The following CRADD variants were observed in gnomAD, a reference collection of about 807,000 sequenced individuals.
CRADD encodes the protein death domain-containing protein CRADD.
CRADD carries 9 observed loss-of-function variants against 15.5 expected under a neutral mutation model. That is an observed-to-expected ratio of 0.58 (90% CI 0.35 to 1.01). CRADD has a LOEUF of 1.01. Among genes scored for constraint, CRADD ranks in the 50% least tolerant of loss-of-function variants. CRADD has a pLI of 0.02. For synonymous variants in CRADD, 118 were observed against 107.6 expected, an observed-to-expected ratio of 1.10 and a Z score of -0.60; for missense variants, 227 against 250.3, an observed-to-expected ratio of 0.91 and a Z score of 0.63.
At chr12:93,834,582 A>C (rs1243210948) in intron 2 of CRADD, among the ~76,000 whole-genome samples, 3 of 152,220 alleles carry the variant, frequency 2.0e-5, no homozygotes, top group East Asian at 3.9e-4. Flanking sequence ...TCTACCTCCC[A>C]GGTTCAAGTG....
intron 2 of CRADD, among the ~76,000 whole-genome samples, chr12:93,817,196 G>A (rs1325953421): frequency 1.3e-5 from 2 of 152,054 alleles, no homozygotes; most frequent in African/African-American, 2.4e-5. Flanking sequence ...GAGGTCCATC[G>A]GAGACTCAGA....
chr12:93,862,184 C>G (rs1958324510), intron 2 of CRADD, among the ~76,000 whole-genome samples: 1 of 152,182 alleles, frequency 6.6e-6, no homozygotes, highest in Non-Finnish European at 1.5e-5. Context: ...TACAAAGGAA[C>G]AAAGCTAGCC....
At chr12:93,855,414 G>A (rs150097252), downstream of CRADD, among the ~76,000 whole-genome samples, 23 of 152,294 alleles carry the variant, frequency 1.5e-4, 1 homozygote, top group East Asian at 4.4e-3. Context: ...AAGCAGGGAG[G>A]CGAAAAGATT....
intron 2 of CRADD, among the ~76,000 whole-genome samples, chr12:93,879,476 C>G (rs1346548373): frequency 6.6e-6 from 1 of 152,092 alleles, no homozygotes; most frequent in Non-Finnish European, 1.5e-5. Flanking sequence ...CTTTCCTCAC[C>G]AATTGTTTAG....
chr12:93,722,377 G>A (rs1319728430), intron 2 of CRADD, among the ~76,000 whole-genome samples: 4 of 151,800 alleles, frequency 2.6e-5, no homozygotes, highest in Admixed American at 6.6e-5. Flanking sequence ...CTGTGGTTTG[G>A]TGTCTGGCAT....
intron 2 of CRADD, among the ~76,000 whole-genome samples, chr12:93,789,912 A>C (rs1457136972): frequency 6.6e-6 from 1 of 152,130 alleles, no homozygotes; most frequent in Non-Finnish European, 1.5e-5. Context: ...CCCTCCACAG[A>C]TGTCTTGTTG....
chr12:93,706,231 A>G (rs1414066099), intron 2 of CRADD, among the ~76,000 whole-genome samples: 1 of 152,204 alleles, frequency 6.6e-6, no homozygotes, highest in Non-Finnish European at 1.5e-5. Flanking sequence ...AAAGCATTTT[A>G]CCATTTTCAC....
chr12:93,870,911 A>G (rs904285461), intron 2 of CRADD, among the ~76,000 whole-genome samples: 4 of 152,228 alleles, frequency 2.6e-5, no homozygotes, highest in African/African-American at 9.7e-5. Context: ...TGAAATGGAG[A>G]TGATAGTGGA....
At chr12:93,872,692 C>A (rs1958431243) in intron 2 of CRADD, among the ~76,000 whole-genome samples, 1 of 151,940 alleles carries the variant, frequency 6.6e-6, no homozygotes, top group Non-Finnish European at 1.5e-5. Flanking sequence ...TTCTTGGCAC[C>A]TTTGTCAAAA....
At chr12:93,833,675 TA>T (rs1481454598) in intron 2 of CRADD, among the ~76,000 whole-genome samples, 1 of 152,174 alleles carries the variant, frequency 6.6e-6, no homozygotes, top group Admixed American at 6.5e-5. Flanking sequence ...CCATTACACT[TA>T]ATTTTACCTG....
rs1956231666 is a variant in CRADD at position 93,720,064 on chromosome 12, TG to T, written c.298+40993del. 2.0e-5 allele frequency among the ~76,000 whole-genome samples: 3 copies of T among 152,154 alleles called. No individual in the cohort carries two copies. The South Asian group carries it at 6.2e-4, about 31-fold the overall frequency. On this transcript the variant is annotated intron_variant, in intron 2 of 2. Coordinates refer to ENST00000332896, the MANE Select transcript of CRADD (RefSeq NM_003805.5). ...TAGGTCTTTCTTCTTTCCTAATTTT[TG>T]CATCCAAATCCTATGCATTTCCCTT...
intron 2 of CRADD, among the ~76,000 whole-genome samples, chr12:93,823,787 G>A (rs1444251178): frequency 6.6e-6 from 1 of 152,226 alleles, no homozygotes; most frequent in Non-Finnish European, 1.5e-5. Flanking sequence ...GAGGTGGGAA[G>A]TGGAGTGAGT....
At chr12:93,852,394 A>G (rs1453402921), downstream of CRADD, among the ~76,000 whole-genome samples, 1 of 152,238 alleles carries the variant, frequency 6.6e-6, no homozygotes, top group Non-Finnish European at 1.5e-5. Context: ...GGGCTCTGTC[A>G]GCAGTGAGAG....
chr12:93,808,476 C>T (rs1957574349), intron 2 of CRADD, among the ~76,000 whole-genome samples: 1 of 152,128 alleles, frequency 6.6e-6, no homozygotes, highest in African/African-American at 2.4e-5. Flanking sequence ...GGGATTATTA[C>T]AATTCAAGGT....
chr12:93,696,335 G>C (rs1386558169), intron 2 of CRADD, among the ~76,000 whole-genome samples: 1 of 152,300 alleles, frequency 6.6e-6, no homozygotes, highest in South Asian at 2.1e-4. Flanking sequence ...GAATCAACCT[G>C]AGTGTCCATC....
chr12:93,883,637 G>T (rs1378082588), intron 2 of CRADD, among the ~76,000 whole-genome samples: 1 of 152,022 alleles, frequency 6.6e-6, no homozygotes, highest in African/African-American at 2.4e-5. Context: ...GGGCAATATA[G>T]CAAGATCCCA....
intron 2 of CRADD, among the ~76,000 whole-genome samples, chr12:93,791,967 A>T (rs185975438): frequency 6.7e-6 from 1 of 150,262 alleles, no homozygotes; most frequent in African/African-American, 2.5e-5. Flanking sequence ...AGACTGGTTG[A>T]ATTTTTTCAC....
At chr12:93,834,510 C>T (rs913826889) in intron 2 of CRADD, among the ~76,000 whole-genome samples, 24 of 151,994 alleles carry the variant, frequency 1.6e-4, no homozygotes, top group Admixed American at 2.6e-4. Context: ...TTTTTTGAGA[C>T]GGAGTTTCGC....
chr12:93,681,536 T>C (rs1180454111), intron 2 of CRADD, among the ~76,000 whole-genome samples: 1 of 152,208 alleles, frequency 6.6e-6, no homozygotes, highest in Non-Finnish European at 1.5e-5. Context: ...GACAATCACA[T>C]AAACTCTTTT....
Sources: gnomAD v4.1 joint callset for allele counts (sites outside exome capture counted in the v4.1 genomes callset) on GRCh38, gnomAD v4.1.1 for gene constraint, MANE v1.5 for transcripts, NCBI Gene and HGNC (gene_info 2026-07-23, HGNC 2026-07-21) for gene names.